SLC4A4: variants seen among roughly 807,000 people sequenced by gnomAD.
SLC4A4 encodes electrogenic sodium bicarbonate cotransporter 1.
Under a neutral mutation model 111.5 loss-of-function variants are expected in SLC4A4, and 27 were observed. The ratio of observed to expected loss-of-function variants is 0.24; its 90% CI spans 0.18 to 0.33. SLC4A4 has a LOEUF of 0.33. Among genes scored for constraint, SLC4A4 ranks in the 10% least tolerant of loss-of-function variants. SLC4A4 has a pLI of 1.00. For synonymous variants in SLC4A4, 443 were observed against 463.4 expected (o/e 0.96, Z 0.57); for missense variants, 909 against 1,315.5 (o/e 0.69, Z 4.78).
chr4:71,174,170 T>C (rs1174709641), intron 2 of SLC4A4, among the ~76,000 whole-genome samples: 1 of 152,152 alleles, frequency 6.6e-6, no homozygotes, highest in Non-Finnish European at 1.5e-5. Flanking sequence ...TTCCTTTTTT[T>C]TTCCTAGCCA....
intron 2 of SLC4A4, among the ~76,000 whole-genome samples, chr4:71,179,601 A>G (rs1339666480): frequency 2.6e-5 from 4 of 152,092 alleles, no homozygotes; most frequent in African/African-American, 9.7e-5. Context: ...CCCATTCACA[A>G]TTGCTTCAAA....
intron 1 of SLC4A4, among the ~76,000 whole-genome samples, chr4:71,187,678 T>C (rs978702840): frequency 6.6e-6 from 1 of 152,128 alleles, no homozygotes; most frequent in East Asian, 1.9e-4. Flanking sequence ...CTAAGTCCCC[T>C]GCGCGCAACT....
intron 2 of SLC4A4, among the ~76,000 whole-genome samples, chr4:71,138,890 G>A (rs1279233416): frequency 6.6e-6 from 1 of 151,988 alleles, no homozygotes; most frequent in African/African-American, 2.4e-5. Flanking sequence ...TAAAAAATTA[G>A]CCAGGCGTGG....
intron 2 of SLC4A4, among the ~76,000 whole-genome samples, chr4:71,149,946 A>T (rs375529395): frequency 6.6e-6 from 1 of 152,226 alleles, no homozygotes; most frequent in African/African-American, 2.4e-5. Flanking sequence ...TCCTTTTTTT[A>T]AAACTAATGT....
At chr4:71,143,703 T>C (rs1049721271) in intron 2 of SLC4A4, among the ~76,000 whole-genome samples, 1 of 152,262 alleles carries the variant, frequency 6.6e-6, no homozygotes, top group African/African-American at 2.4e-5. Flanking sequence ...TGGCCAGTGA[T>C]GATAGCATTT....
At chr4:71,443,812 T>C (rs928691148) in intron 8 of SLC4A4, among the ~76,000 whole-genome samples, 1 of 152,138 alleles carries the variant, frequency 6.6e-6, no homozygotes. Context: ...ATTATTTATC[T>C]AAAAGAAGTA....
At chr4:71,322,926 T>C (rs1316754713) in intron 3 of SLC4A4, among the ~76,000 whole-genome samples, 2 of 152,102 alleles carry the variant, frequency 1.3e-5, no homozygotes, top group East Asian at 3.9e-4. Flanking sequence ...GATTATTTTT[T>C]GGCTTTCGTG....
At chr4:71,274,407 C>T (rs1002072488) in intron 3 of SLC4A4, among the ~76,000 whole-genome samples, 1 of 152,090 alleles carries the variant, frequency 6.6e-6, no homozygotes, top group African/African-American at 2.4e-5. Flanking sequence ...CTGTATGTGC[C>T]ATATGAGATT....
At chr4:71,159,747 A>G (rs2148976818) in intron 2 of SLC4A4, among the ~76,000 whole-genome samples, 1 of 152,304 alleles carries the variant, frequency 6.6e-6, no homozygotes, top group South Asian at 2.1e-4. Context: ...TACTGTTTTC[A>G]TTAAATGTGA....
intron 2 of SLC4A4, among the ~76,000 whole-genome samples, chr4:71,092,899 A>T (rs1451371276): frequency 6.6e-6 from 1 of 152,078 alleles, no homozygotes; most frequent in Non-Finnish European, 1.5e-5. Flanking sequence ...GATCACGACC[A>T]CCCTGGCCAA....
chr4:71,563,078 G>T (rs1351819280), intron 23 of SLC4A4, among the ~76,000 whole-genome samples: 1 of 151,536 alleles, frequency 6.6e-6, no homozygotes, highest in African/African-American at 2.4e-5. Flanking sequence ...TATAATTTGG[G>T]CTAGGTGGCT....
At chr4:71,135,042 A>G (rs1364149225) in intron 2 of SLC4A4, among the ~76,000 whole-genome samples, 3 of 152,198 alleles carry the variant, frequency 2.0e-5, no homozygotes, top group African/African-American at 7.2e-5. Context: ...GGCTCCGATA[A>G]GCCTTTAAGT....
chr4:71,176,121 T>G (rs1199586254), intron 2 of SLC4A4, among the ~76,000 whole-genome samples: 1 of 152,210 alleles, frequency 6.6e-6, no homozygotes, highest in Non-Finnish European at 1.5e-5. Context: ...CTGAGGGTCC[T>G]GACTGTTAGA....
At chr4:71,216,814 G>A (rs1243858403) in intron 1 of SLC4A4, among the ~76,000 whole-genome samples, 1 of 152,150 alleles carries the variant, frequency 6.6e-6, no homozygotes, top group African/African-American at 2.4e-5. Flanking sequence ...ATGAACTTGT[G>A]CCTGTCTGGG....
intron 3 of SLC4A4, among the ~76,000 whole-genome samples, chr4:71,327,009 CT>C (rs1395647879): frequency 6.6e-6 from 1 of 151,912 alleles, no homozygotes; most frequent in Non-Finnish European, 1.5e-5. Context: ...AGATTGTGGA[CT>C]CTGCAAAGAA....
chr4:71,350,488 C>T (rs1327672555), intron 5 of SLC4A4, among the ~76,000 whole-genome samples: 1 of 152,064 alleles, frequency 6.6e-6, no homozygotes, highest in Non-Finnish European at 1.5e-5. Context: ...AGCGATTCTC[C>T]TGCTTCAGCC....
chr4:71,257,453 G>A (rs756187211), intron 3 of SLC4A4, among the ~76,000 whole-genome samples: 1 of 152,122 alleles, frequency 6.6e-6, no homozygotes, highest in Admixed American at 6.6e-5. Context: ...TATATCCTCA[G>A]CTGCTTTGAT....
At chr4:71,517,501 GT>G (rs1274597136) in intron 16 of SLC4A4, among the ~76,000 whole-genome samples, 1 of 151,882 alleles carries the variant, frequency 6.6e-6, no homozygotes, top group Non-Finnish European at 1.5e-5. Context: ...TACATTTCTA[GT>G]TTTGGTCATT....
At chr4:71,223,784 G>C (rs1399090891) in intron 1 of SLC4A4, among the ~76,000 whole-genome samples, 1 of 151,698 alleles carries the variant, frequency 6.6e-6, no homozygotes, top group Non-Finnish European at 1.5e-5. Context: ...CCTGTTCCGA[G>C]ACTCATGAAC....
Sources: gnomAD v4.1 joint callset for allele counts (sites outside exome capture counted in the v4.1 genomes callset) on GRCh38, gnomAD v4.1.1 for gene constraint, MANE v1.5 for transcripts, NCBI Gene and HGNC (gene_info 2026-07-23, HGNC 2026-07-21) for gene names.